Variants in SLC6A9 observed in about 807,000 individuals in gnomAD.
SLC6A9 encodes sodium- and chloride-dependent glycine transporter 1.
A neutral mutation model predicts 70.9 loss-of-function variants in SLC6A9; 31 were observed. The observed-to-expected ratio is 0.44, with a 90% CI of 0.33 to 0.59. The LOEUF is 0.59. Among genes scored for constraint, SLC6A9 ranks in the 20% least tolerant of loss-of-function variants. The pLI, the probability that SLC6A9 is intolerant of heterozygous loss-of-function variation, is 0.04. For synonymous variants in SLC6A9, 310 were observed against 341.3 expected, an observed-to-expected ratio of 0.91 and a Z score of 1.01; for missense variants, 631 against 845.2, an observed-to-expected ratio of 0.75 and a Z score of 3.14.
chr1:44,016,871 C>T (rs2086763416), intron 2 of SLC6A9, among the ~76,000 whole-genome samples: 1 of 152,164 alleles, frequency 6.6e-6, no homozygotes, highest in African/African-American at 2.4e-5. Flanking sequence ...ACTCTTCCTA[C>T]ACTCCTTTGC....
chr1:44,010,320 G>A, intron 3 of SLC6A9: 1 of 544,018 alleles, frequency 1.8e-6, no homozygotes, highest in South Asian at 2.2e-5. Flanking sequence ...CCAGGTCCCA[G>A]AGCCTCCATA....
chr1:44,011,703 T>G, intron 2 of SLC6A9: 1 of 1,613,596 alleles, frequency 6.2e-7, no homozygotes. Context: ...GAAGGATCTC[T>G]GAACAGGGAG....
intron 4 of SLC6A9, 92 bp from the exon 5 acceptor site, chr1:44,008,715 T>G: frequency 9.4e-7 from 1 of 1,066,350 alleles, no homozygotes; most frequent in Non-Finnish European, 1.3e-6. Flanking sequence ...CTTTTCTTTT[T>G]TTTTTTTTGA....
At chr1:44,020,181 T>C (rs1019093379) in intron 2 of SLC6A9, among the ~76,000 whole-genome samples, 1 of 152,128 alleles carries the variant, frequency 6.6e-6, no homozygotes. Flanking sequence ...TGAGCCGGGA[T>C]AGCACTTACT....
rs750418596 is a variant in SLC6A9, at chr1:44,024,312, C to A, written c.-35G>T. ...GGGTTGGGGCTCTGGTGACGGGGACCACACTCACAGGCTCTGCTTCCAGCG... is the reference window on the plus strand; with the variant it reads ...GGGTTGGGGCTCTGGTGACGGGGACAACACTCACAGGCTCTGCTTCCAGCG... On this transcript the variant is annotated 5_prime_UTR_variant, in exon 2 of 14. Transcript: ENST00000372310. 1 of 1,613,782 alleles carries A rather than the reference C, an allele frequency of 6.2e-7. No homozygotes were observed. Among genetic ancestry groups the A allele is most frequent in the Non-Finnish European group, 8.5e-7 (1 of 1,179,612 alleles).
chr1:44,000,839 C>T lies in SLC6A9; in HGVS notation c.1464G>A (p.Gln488=). The change falls in exon 12 of 14, where the codon CAG becomes CAA. Residue 488 remains glutamine (Q), a synonymous_variant. Coordinates refer to ENST00000372310, the MANE Select transcript of SLC6A9 (RefSeq NM_001024845.3). ...GGGGTGGTGGGAATCCCAGCATCAT[C>T]TGGATGTCCTGGAAGTAGTTCCGGT... is the stretch of plus-strand genomic sequence containing the variant. ...YGHRNYFQDI[Q]MMLGFPPPLF... is the part of the protein sequence containing the mutation. 6.2e-7 allele frequency: 1 copy of T among 1,611,338 alleles called. No homozygotes were observed. The highest frequency in any genetic ancestry group is 8.5e-7 in the Non-Finnish European group (1 of 1,178,754).
chr1:44,019,007 C>T (rs1262578342), intron 2 of SLC6A9, among the ~76,000 whole-genome samples: 1 of 152,184 alleles, frequency 6.6e-6, no homozygotes, highest in Non-Finnish European at 1.5e-5. Context: ...TGGGTTCAAA[C>T]CCTAGCTTTG....
Position 44,002,552 on chromosome 1 carries a change from T to C in SLC6A9, c.818A>G (p.Tyr273Cys). ...TLEGAFDGIM[Y>C]YLTPQWDKIL... ...CTTGTCCCACTGCGGGGTTAGGTAG[T>C]ACATGATGCCGTCAAAGGCTCCCTC... Residue 273 changes from tyrosine (Y) to cysteine (C), a missense_variant, in exon 7 of 14, where the codon TAC (tyrosine) becomes TGC (cysteine). By Grantham distance (194) the Tyr-to-Cys change is radical. Transcript: ENST00000372310. The surrounding 1 kb of genome is among the most constrained non-coding windows in gnomAD (Gnocchi z 5.5). 6.2e-7 allele frequency: 1 copy of C among 1,614,058 alleles called. No individual in the cohort carries two copies. Among genetic ancestry groups the C allele is most frequent in the Non-Finnish European group, 8.5e-7 (1 of 1,179,998 alleles).
intron 1 of SLC6A9, among the ~76,000 whole-genome samples, chr1:44,025,432 C>T (rs77544796): frequency 0.1 from 15,665 of 149,954 alleles, 1,006 homozygotes; most frequent in South Asian, 0.19. Context: ...CATCTTCAGA[C>T]AGCCTTAAAG....
At position 43,997,162 on chromosome 1, in the gene SLC6A9, G is replaced by A. The variant is rs992908875; in HGVS notation, c.*383C>T. 1.7e-5 allele frequency: 4 copies of A among 229,776 alleles called. No individual in the cohort carries two copies. Among genetic ancestry groups the A allele is most frequent in the South Asian group, 6.8e-5 (1 of 14,690 alleles). The allele number at this position is 229,776 out of a possible 1,614,324, so 14.2% of individuals were successfully genotyped here. A position where few individuals can be genotyped will look rare whatever the true frequency, so the allele number is the denominator to read the frequency against. On this transcript the variant is annotated 3_prime_UTR_variant, in exon 14 of 14. Transcript: ENST00000372310. The surrounding 1 kb of genome is among the most constrained non-coding windows in gnomAD (Gnocchi z 4.4). ...AATGTGCCTGGCAGAGGCTGGGGTC[G>A]GCTCTGAGGGCAGGAGCACTAGTCA...
chr1:44,016,367 C>T (rs1419968500), intron 2 of SLC6A9: 1 of 152,436 alleles, frequency 6.6e-6, no homozygotes, highest in Non-Finnish European at 1.5e-5. Flanking sequence ...CATCCCACAT[C>T]GCCTCAGAGG....
At position 43,997,890 on chromosome 1, in the gene SLC6A9, G is replaced by A. The variant is rs139433292; in HGVS notation, c.1672C>T (p.Arg558Trp). 7.4e-6 allele frequency: 12 copies of A among 1,613,696 alleles called. No homozygotes were observed. Among genetic ancestry groups the A allele is most frequent in the East Asian group, 4.5e-5 (2 of 44,900 alleles). Residue 558 changes from arginine to tryptophan, a missense_variant, in exon 13 of 14, where the codon CGG becomes TGG. Arg to Trp is a moderately radical substitution (Grantham distance 101). Coordinates refer to ENST00000372310, the MANE Select transcript of SLC6A9 (RefSeq NM_001024845.3). The surrounding 1 kb of genome is among the most constrained non-coding windows in gnomAD (Gnocchi z 4.4). ...GTGTCCCCGTCTGTGCGGCAGAGCC[G>A]GAACATGGCGTAGAGGGGGATGCAG... ...VLCIPLYAMF[R>W]LCRTDGDTLL...
intron 12 of SLC6A9, among the ~76,000 whole-genome samples, chr1:44,000,113 G>C (rs1480531788): frequency 6.6e-6 from 1 of 152,228 alleles, no homozygotes; most frequent in African/African-American, 2.4e-5. Context: ...CATCTGTAAA[G>C]TGGGGACAAC....
At chr1:44,009,250 C>T (rs2086454997) in intron 4 of SLC6A9, among the ~76,000 whole-genome samples, 1 of 143,450 alleles carries the variant, frequency 7.0e-6, no homozygotes. Flanking sequence ...CATGGAGTCT[C>T]CCTCTGTCGC....
At position 44,001,013 on chromosome 1, in the gene SLC6A9, T is replaced by A. The variant is rs779778282; in HGVS notation, c.1378A>T (p.Ser460Cys). ...CAGGAGATGACCACCAAGGAGAAGC[T>A]GGCCGCATAGTTGTCCATCAGCAGC... ...WLLLMDNYAA[S>C]FSLVVISCIM... Residue 460 changes from serine to cysteine, a missense_variant, in exon 11 of 14, where the codon AGC becomes TGC. Coordinates refer to ENST00000372310, the MANE Select transcript of SLC6A9 (RefSeq NM_001024845.3). 2.5e-6 allele frequency: 4 copies of A among 1,581,560 alleles called. No individual in the cohort carries two copies. In the South Asian group the frequency reaches 3.5e-5, roughly 14 times the overall value.
Position 44,001,598 on chromosome 1 carries a change from C to G in SLC6A9, c.992G>C (p.Cys331Ser), listed in dbSNP as rs1477230847. 1 of 1,613,872 alleles carries G rather than the reference C, an allele frequency of 6.2e-7. No homozygotes were observed. The change falls in exon 9 of 14, where the codon TGT (cysteine) becomes TCT (serine). Residue 331 changes from cysteine to serine, a missense_variant. Coordinates refer to ENST00000372310, the MANE Select transcript of SLC6A9 (RefSeq NM_001024845.3). ...GAAGCCAGCATAGACGCTGGTGGCACAGTTGGTGATGCTGATGATGACACT... is the reference window on the plus strand; with the variant it reads ...GAAGCCAGCATAGACGCTGGTGGCAGAGTTGGTGATGCTGATGATGACACT... The part of the protein sequence containing the change: ...RDSVIISITN[C>S]ATSVYAGFVI...
intron 12 of SLC6A9, among the ~76,000 whole-genome samples, chr1:43,998,640 C>G (rs2154304106): frequency 6.6e-6 from 1 of 152,312 alleles, no homozygotes; most frequent in East Asian, 1.9e-4. Flanking sequence ...GACCTGAGAG[C>G]TCCTGGAATT....
intron 12 of SLC6A9, among the ~76,000 whole-genome samples, chr1:43,998,442 C>A (rs1469793427): frequency 6.6e-6 from 1 of 152,198 alleles, no homozygotes; most frequent in Non-Finnish European, 1.5e-5. Context: ...TCAGTCACAC[C>A]CAGTGTTTCC....
chr1:44,008,659 C>T (rs200927836), intron 4 of SLC6A9, 36 bp from the exon 5 acceptor site: 1 of 1,573,346 alleles, frequency 6.4e-7, no homozygotes, highest in Non-Finnish European at 8.7e-7. Flanking sequence ...GGAGCCTCAG[C>T]ATCCAGCAGG....
Sources: gnomAD v4.1 joint callset for allele counts (sites outside exome capture counted in the v4.1 genomes callset) on GRCh38, gnomAD v4.1.1 for gene constraint, Gnocchi (gnomAD v3.1) non-coding constraint, MANE v1.5 for transcripts, NCBI Gene and HGNC (gene_info 2026-07-23, HGNC 2026-07-21) for gene names.